The following DUXA variants were observed in gnomAD, a reference collection of about 807,000 sequenced individuals.
DUXA encodes double homeobox A.
DUXA carries 25 observed loss-of-function variants against 27.5 expected under a neutral mutation model. The observed-to-expected ratio is 0.91, with a 90% confidence interval of 0.66 to 1.27. The LOEUF (loss-of-function observed/expected upper bound fraction) is 1.27, where lower values mean the gene tolerates loss of function less well. DUXA is among the 50% of genes most tolerant of loss of function. The pLI, the probability that DUXA is intolerant of heterozygous loss-of-function variation, is 0.00. For missense variants in DUXA, 247 were observed against 242.9 expected (o/e 1.02, Z -0.11); for synonymous variants, 90 against 80.5 (o/e 1.12, Z -0.63).
rs184414480 is a variant in DUXA at position 57,159,123 on chromosome 19, G to A, written c.292+44C>T. ...TTTCAAAGTCGCAGTTGGCTCCGCC[G>A]TAGAGAAGCTCTGCTGGGGAACAGA... On this transcript the variant is annotated intron_variant, in intron 3 of 5. Transcript: ENST00000554048. 415 of 1,555,388 alleles carry A rather than the reference G, an allele frequency of 2.7e-4. 2 individuals are homozygous for A. In the African/African-American group the frequency reaches 3.1e-3, roughly 11 times the overall value.
chr19:57,165,649 C>CA (rs1238150923), intron 1 of DUXA, among the ~76,000 whole-genome samples: 4 of 151,354 alleles, frequency 2.6e-5, no homozygotes, highest in Admixed American at 6.6e-5. Flanking sequence ...ACTAAAAATG[C>CA]AAAAAATTAG....
intron 3 of DUXA, among the ~76,000 whole-genome samples, 166 bp downstream of exon 3, chr19:57,159,001 G>T (rs1308447772): frequency 1.3e-5 from 2 of 151,962 alleles, no homozygotes; most frequent in African/African-American, 4.8e-5. Context: ...AAATAAGAAA[G>T]CCTGGGAAGA....
At chr19:57,154,730 A>AT (rs1428839703) in intron 5 of DUXA, among the ~76,000 whole-genome samples, 4 of 151,884 alleles carry the variant, frequency 2.6e-5, no homozygotes, top group Non-Finnish European at 5.9e-5. Context: ...CGCTCGGCTA[A>AT]TTGTTTGTAT....
intron 1 of DUXA, among the ~76,000 whole-genome samples, chr19:57,166,293 A>G (rs1035974057): frequency 1.3e-5 from 2 of 152,120 alleles, no homozygotes; most frequent in Non-Finnish European, 2.9e-5. Flanking sequence ...TAAGTGACAT[A>G]ATTTAATTTA....
intron 1 of DUXA, among the ~76,000 whole-genome samples, chr19:57,162,872 C>T (rs1479592374): frequency 6.6e-6 from 1 of 152,132 alleles, no homozygotes; most frequent in South Asian, 2.1e-4. Context: ...CTGCACCTGG[C>T]CCCTGGTCCA....
chr19:57,166,187 A>G (rs1296205407), intron 1 of DUXA, among the ~76,000 whole-genome samples: 1 of 152,188 alleles, frequency 6.6e-6, no homozygotes, highest in East Asian at 1.9e-4. Flanking sequence ...AAAAAAGAAT[A>G]AAAGGGAAGC....
intron 2 of DUXA, 77 bp downstream of exon 2, chr19:57,160,566 C>G (rs1278491898): frequency 1.3e-6 from 2 of 1,533,670 alleles, no homozygotes; most frequent in Admixed American, 1.8e-5. Context: ...CACATGGGTA[C>G]ATAGTATGGG....
At position 57,154,115 on chromosome 19, in the gene DUXA, T is replaced by C. The variant is rs545770146; in HGVS notation, c.*297A>G. 108 of 294,488 alleles carry C rather than the reference T, an allele frequency of 3.7e-4. No individual in the cohort carries two copies. Among genetic ancestry groups the C allele is most frequent in the African/African-American group, 2.3e-3 (97 of 43,078 alleles). 18.2% of individuals were successfully genotyped at this position (294,488 alleles called of 1,614,324 possible). A position where few individuals can be genotyped will look rare whatever the true frequency, so the allele number is the denominator to read the frequency against. ...GTCAACAGGGTAGTGTGGTACCCCC[T>C]GTACCCGTCTCTGCCTCCTACAGTC... On this transcript the variant is annotated 3_prime_UTR_variant, in exon 6 of 6. Transcript: ENST00000554048.
At chr19:57,160,947 C>T (rs2087017941) in intron 1 of DUXA, 150 bp from the exon 2 acceptor site, 2 of 834,978 alleles carry the variant, frequency 2.4e-6, no homozygotes, top group East Asian at 2.6e-5. Context: ...AGCTCTTGAA[C>T]ACACAATGGC....
chr19:57,158,452 C>T lies in DUXA; in HGVS notation c.314G>A (p.Arg105His), dbSNP rs746061596. ...EFQSREARRC[R>H]TTYSASQLHT... ...TAACTGAGAGGCGCTGTAGGTGGTA[C>T]GACACCGTCTGGCTTCTCTACCTAG... is the stretch of plus-strand genomic sequence containing the variant. Residue 105 changes from arginine (R) to histidine (H), a missense_variant, in exon 4 of 6, where the codon CGT becomes CAT. By Grantham distance (29) the Arg-to-His change is conservative (BLOSUM62 0). Coordinates refer to ENST00000554048, the MANE Select transcript of DUXA (RefSeq NM_001012729.2). The T allele has an allele frequency of 4.9e-5, 79 of 1,613,388 alleles. No individual in the cohort carries two copies. Among genetic ancestry groups the T allele is most frequent in the Non-Finnish European group, 6.1e-5 (72 of 1,179,544 alleles).
At chr19:57,154,613 G>A in intron 5 of DUXA, 131 bp from the exon 6 acceptor site, 1 of 651,414 alleles carries the variant, frequency 1.5e-6, no homozygotes, top group Non-Finnish European at 2.5e-6. Flanking sequence ...GCCCAGGCTG[G>A]AGTGCGGTGG....
chr19:57,165,776 G>C (rs1242569145), intron 1 of DUXA, among the ~76,000 whole-genome samples: 3 of 133,504 alleles, frequency 2.2e-5, no homozygotes, highest in African/African-American at 8.4e-5. Flanking sequence ...CTGCACTCCA[G>C]CCTGGGCGAG....
At position 57,154,147 on chromosome 19, in the gene DUXA, AT is replaced by A. The variant is rs1474946774; in HGVS notation, c.*264del. The A allele has an allele frequency of 2.7e-6, 1 of 365,166 alleles. No homozygotes were observed. The highest frequency in any genetic ancestry group is 5.7e-5 in the East Asian group (1 of 17,478). The allele number at this position is 365,166 out of a possible 1,614,324, so 22.6% of individuals were successfully genotyped here. ...GTCTCTGCCTCCTACAGTCCTTTTC[AT>A]TTATTTTGTTTTTTTATAATAGAGG... is the stretch of plus-strand genomic sequence containing the variant. On this transcript the variant is annotated 3_prime_UTR_variant, in exon 6 of 6. Transcript: ENST00000554048.
At chr19:57,156,248 T>A (rs1478936279) in intron 4 of DUXA, among the ~76,000 whole-genome samples, 1 of 152,200 alleles carries the variant, frequency 6.6e-6, no homozygotes, top group African/African-American at 2.4e-5. Flanking sequence ...AAAACATTCT[T>A]CATCCCACAA....
rs1374476140 is a variant in DUXA at position 57,158,464 on chromosome 19, G to T, written c.302C>A (p.Ala101Asp). ...GCTGTAGGTGGTACGACACCGTCTG[G>T]CTTCTCTACCTAGGGAAGGCATGGA... ...QPGVEFQSRE[A>D]RRCRTTYSAS... Residue 101 changes from alanine to aspartate, a missense_variant, in exon 4 of 6, where the codon GCC becomes GAC. Physicochemically the swap from Ala to Asp is moderately radical, Grantham distance 126. Transcript: ENST00000554048. 2 of 1,613,232 alleles carry T rather than the reference G, an allele frequency of 1.2e-6. No homozygotes were observed. The highest frequency in any genetic ancestry group is 1.1e-5 in the South Asian group (1 of 91,046).
chr19:57,160,492 C>G, intron 2 of DUXA, 151 bp downstream of exon 2: 1 of 922,156 alleles, frequency 1.1e-6, no homozygotes, highest in East Asian at 2.5e-5. Context: ...TGAAGTGAGG[C>G]TAAGACCAAC....
At chr19:57,158,126 C>T (rs1239952798) in intron 4 of DUXA, among the ~76,000 whole-genome samples, 1 of 152,140 alleles carries the variant, frequency 6.6e-6, no homozygotes, top group Non-Finnish European at 1.5e-5. Context: ...CAACATTGCT[C>T]AAGACAGACA....
chr19:57,166,509 C>T (rs887090655), intron 1 of DUXA, among the ~76,000 whole-genome samples: 1 of 152,168 alleles, frequency 6.6e-6, no homozygotes, highest in Non-Finnish European at 1.5e-5. Context: ...AGGGTTTCAC[C>T]ATGTTAGCCA....
At chr19:57,163,849 C>G (rs1248296263) in intron 1 of DUXA, among the ~76,000 whole-genome samples, 1 of 152,152 alleles carries the variant, frequency 6.6e-6, no homozygotes, top group African/African-American at 2.4e-5. Flanking sequence ...AAGTTTCCAA[C>G]CCATTATCTT....
Sources: allele counts gnomAD v4.1 joint callset (sites outside exome capture counted in the v4.1 genomes callset), GRCh38; gene constraint gnomAD v4.1.1; transcripts MANE v1.5; gene names NCBI Gene and HGNC (gene_info 2026-07-23, HGNC 2026-07-21).